Variants in CCDC102B observed in about 807,000 individuals in gnomAD.
CCDC102B encodes the protein coiled-coil domain-containing protein 102B.
A neutral mutation model predicts 57.4 loss-of-function variants in CCDC102B; 75 were observed. The ratio of observed to expected loss-of-function variants is 1.31; its 90% CI spans 1.08 to 1.58. The LOEUF (loss-of-function observed/expected upper bound fraction) is 1.58. Among genes scored for constraint, CCDC102B ranks in the 40% most tolerant of loss-of-function variants. The probability of loss-of-function intolerance (pLI) is 0.00; values close to 1 mark genes in which losing one functional copy is unlikely to be tolerated. For synonymous variants in CCDC102B, 206 were observed against 201.9 expected (o/e 1.02, Z -0.17); for missense variants, 636 against 582.6 (o/e 1.09, Z -0.94).
intron 2 of CCDC102B, among the ~76,000 whole-genome samples, chr18:68,791,362 G>C (rs1487056287): frequency 6.6e-6 from 1 of 152,146 alleles, no homozygotes; most frequent in Non-Finnish European, 1.5e-5. Flanking sequence ...TGGATGTTGA[G>C]TTCTTTTGAG....
intron 2 of CCDC102B, among the ~76,000 whole-genome samples, chr18:68,717,031 C>T (rs151272042): frequency 0.012 from 1,777 of 150,112 alleles, 22 homozygotes; most frequent in African/African-American, 0.041. Flanking sequence ...GAGTTGAAAT[C>T]GCGCCACTGC....
intron 7 of CCDC102B, among the ~76,000 whole-genome samples, chr18:69,040,459 T>G (rs2052407617): frequency 1.3e-5 from 2 of 151,352 alleles, no homozygotes; most frequent in Admixed American, 6.6e-5. Context: ...GTGTTAAATT[T>G]GACTCTGTGG....
At chr18:68,821,188 A>G (rs538743372) in intron 1 of CCDC102B, among the ~76,000 whole-genome samples, 2 of 152,166 alleles carry the variant, frequency 1.3e-5, no homozygotes, top group East Asian at 3.9e-4. Context: ...TACATACTTA[A>G]GTCAGAAAAG....
intron 1 of CCDC102B, among the ~76,000 whole-genome samples, chr18:68,834,639 A>G (rs2037289155): frequency 1.3e-5 from 2 of 151,546 alleles, no homozygotes; most frequent in Non-Finnish European, 2.9e-5. Context: ...AATTACAACC[A>G]TGAGTCTATA....
At chr18:68,735,890 G>A (rs374367777) in intron 2 of CCDC102B, among the ~76,000 whole-genome samples, 1 of 152,068 alleles carries the variant, frequency 6.6e-6, no homozygotes, top group African/African-American at 2.4e-5. Flanking sequence ...CTCTTCTAAC[G>A]GGGTTAATTC....
intron 2 of CCDC102B, among the ~76,000 whole-genome samples, chr18:68,763,052 C>A (rs917818778): frequency 6.6e-6 from 1 of 152,010 alleles, no homozygotes; most frequent in African/African-American, 2.4e-5. Context: ...ATATTTTAGA[C>A]GTGATTTTAT....
chr18:68,992,169 A>AAAC (rs1217972785), intron 6 of CCDC102B, among the ~76,000 whole-genome samples: 1 of 152,102 alleles, frequency 6.6e-6, no homozygotes, highest in Non-Finnish European at 1.5e-5. Flanking sequence ...TAAGTAATCT[A>AAAC]AACAATTGCT....
intron 6 of CCDC102B, among the ~76,000 whole-genome samples, chr18:69,003,743 T>G (rs2051267384): frequency 1.3e-5 from 2 of 152,266 alleles, no homozygotes; most frequent in Admixed American, 6.5e-5. Flanking sequence ...AAGTTGCTTT[T>G]ATATGTGCTT....
chr18:69,001,435 A>G (rs657104), intron 6 of CCDC102B, among the ~76,000 whole-genome samples: 1,593 of 152,154 alleles, frequency 0.01, 37 homozygotes, highest in African/African-American at 0.037. Context: ...GACCATGAAA[A>G]ATTAGGCCCA....
rs548260698 is a variant in CCDC102B at position 68,725,835 on chromosome 18, C to T, written c.-67+9241C>T. Among the ~76,000 whole-genome samples the T allele has an allele frequency of 6.5e-4, 99 of 152,276 alleles. 2 individuals carry two copies. In the South Asian group the frequency reaches 0.02, roughly 31 times the overall value. On this transcript the variant is annotated intron_variant, in intron 2 of 3. Coordinates refer to the CCDC102B transcript ENST00000578970. Reference sequence around the variant, plus strand: ...AGACTATGGGAACTTGGAATGGACACCTTTAGAATTCTGCCTACCACAGGC... The same window carrying T: ...AGACTATGGGAACTTGGAATGGACATCTTTAGAATTCTGCCTACCACAGGC...
intron 6 of CCDC102B, among the ~76,000 whole-genome samples, chr18:68,950,346 C>T (rs1320074048): frequency 2.0e-5 from 3 of 152,120 alleles, no homozygotes; most frequent in East Asian, 3.9e-4. Context: ...AATATTTGGG[C>T]ATTTGTATAC....
At chr18:68,828,723 T>C (rs1472795531) in intron 1 of CCDC102B, among the ~76,000 whole-genome samples, 1 of 151,736 alleles carries the variant, frequency 6.6e-6, no homozygotes, top group Non-Finnish European at 1.5e-5. Context: ...GTTATTTCTT[T>C]TATTTAAATT....
chr18:68,764,056 A>G (rs2034345217), intron 2 of CCDC102B, among the ~76,000 whole-genome samples: 1 of 152,118 alleles, frequency 6.6e-6, no homozygotes, highest in South Asian at 2.1e-4. Context: ...ACAGATAATG[A>G]TGATGACAGC....
chr18:68,906,754 T>G (rs1599668731), intron 6 of CCDC102B, among the ~76,000 whole-genome samples: 1 of 152,130 alleles, frequency 6.6e-6, no homozygotes, highest in East Asian at 1.9e-4. Flanking sequence ...ATGTATGAAA[T>G]GCAAACATTT....
rs553261296 is a variant in CCDC102B, at chr18:69,016,313, G to T, written c.1434+5209G>T. On this transcript the variant is annotated intron_variant, in intron 7 of 7. Transcript: ENST00000360242. ...CAATAAGCAAAACTTTTAGAAAAAGGAACCTAAACTGAAATCACAAGGTTA... is the reference window on the plus strand; with the variant it reads ...CAATAAGCAAAACTTTTAGAAAAAGTAACCTAAACTGAAATCACAAGGTTA... Among the ~76,000 whole-genome samples, 18 of 152,144 alleles carry T rather than the reference G, an allele frequency of 1.2e-4. 1 individual carries two copies. In the South Asian group the frequency reaches 3.3e-3, roughly 28 times the overall value.
At chr18:69,017,833 C>T (rs912640510) in intron 7 of CCDC102B, among the ~76,000 whole-genome samples, 2 of 152,164 alleles carry the variant, frequency 1.3e-5, no homozygotes, top group South Asian at 4.1e-4. Flanking sequence ...CCTGTCTGCT[C>T]GCTGCTTCTA....
Position 69,010,928 on chromosome 18 carries a change from T to G in CCDC102B, c.1264-6T>G, listed in dbSNP as rs1386583287. ...AAATAATGTAATTTTTGTTTTCCTTTGAAAGGAATTACTGAACCTTCAACA... is the reference window on the plus strand; with the variant it reads ...AAATAATGTAATTTTTGTTTTCCTTGGAAAGGAATTACTGAACCTTCAACA... On this transcript the variant is annotated splice_polypyrimidine_tract_variant and splice_region_variant and intron_variant, in intron 6 of 7. Transcript: ENST00000360242. The G allele has an allele frequency of 3.8e-6, 6 of 1,565,202 alleles. No homozygotes were observed. Among genetic ancestry groups the G allele is most frequent in the Non-Finnish European group, 5.2e-6 (6 of 1,155,154 alleles).
intron 5 of CCDC102B, 143 bp downstream of exon 5, chr18:68,874,928 TGTGATTTAAAAG>T: frequency 1.8e-6 from 1 of 546,192 alleles, no homozygotes; most frequent in Non-Finnish European, 3.3e-6. Flanking sequence ...TCAGCTTATA[TGTGATTTAAAAG>T]GCTGTGGAAT....
chr18:68,999,624 TTTG>T (rs964197809), intron 6 of CCDC102B, among the ~76,000 whole-genome samples: 7 of 150,828 alleles, frequency 4.6e-5, no homozygotes, highest in Admixed American at 1.3e-4. Context: ...TGTTTGTTTG[TTTG>T]TTTTGTTTTT....
Sources: gnomAD v4.1 joint callset for allele counts (sites outside exome capture counted in the v4.1 genomes callset) on GRCh38, gnomAD v4.1.1 for gene constraint, MANE v1.5 for transcripts, NCBI Gene and HGNC (gene_info 2026-07-23, HGNC 2026-07-21) for gene names.